The following IPCEF1 variants were observed in gnomAD, a reference collection of about 807,000 sequenced individuals.
IPCEF1 encodes the protein interaction protein for cytohesin exchange factors 1, also known as interactor protein for cytohesin exchange factors 1.
A neutral mutation model predicts 50.9 loss-of-function variants in IPCEF1; 31 were observed. The ratio of observed to expected loss-of-function variants is 0.61; its 90% CI spans 0.46 to 0.82. The LOEUF (loss-of-function observed/expected upper bound fraction) is 0.82. Ranked by LOEUF, IPCEF1 falls within the 40% of genes least tolerant of loss-of-function variation. IPCEF1 has a pLI of 0.00. For synonymous variants in IPCEF1, 181 were observed against 192.0 expected, an observed-to-expected ratio of 0.94 and a Z score of 0.47; for missense variants, 458 against 514.0, an observed-to-expected ratio of 0.89 and a Z score of 1.05.
chr6:154,285,885 A>G (rs1482834787), intron 2 of IPCEF1, among the ~76,000 whole-genome samples: 2 of 152,246 alleles, frequency 1.3e-5, no homozygotes, highest in Admixed American at 1.3e-4. Context: ...ACTTGGTAAC[A>G]TAAATCAAAA....
intron 1 of IPCEF1, among the ~76,000 whole-genome samples, chr6:154,304,091 G>A (rs2128676692): frequency 6.6e-6 from 1 of 151,832 alleles, no homozygotes; most frequent in East Asian, 1.9e-4. Context: ...GGTGTGGTGG[G>A]GCACACCGGT....
At chr6:154,254,585 G>GAGTCAAAT (rs1781416478) in intron 3 of IPCEF1, among the ~76,000 whole-genome samples, 1 of 152,214 alleles carries the variant, frequency 6.6e-6, no homozygotes, top group South Asian at 2.1e-4. Context: ...GGTGGGGACA[G>GAGTCAAAT]AGTCAAATCA....
chr6:154,348,856 T>C (rs1308416961), intron 1 of IPCEF1, among the ~76,000 whole-genome samples: 1 of 152,194 alleles, frequency 6.6e-6, no homozygotes, highest in Non-Finnish European at 1.5e-5. Context: ...GATGAGATTA[T>C]ATATATTCTC....
chr6:154,341,957 AG>A (rs1783927096), intron 1 of IPCEF1, among the ~76,000 whole-genome samples: 1 of 152,210 alleles, frequency 6.6e-6, no homozygotes, highest in Non-Finnish European at 1.5e-5. Flanking sequence ...TAAGTATCTC[AG>A]GACTCCCAAA....
chr6:154,342,542 C>A (rs1329772693), intron 1 of IPCEF1, among the ~76,000 whole-genome samples: 2 of 152,154 alleles, frequency 1.3e-5, no homozygotes, highest in African/African-American at 4.8e-5. Flanking sequence ...CCACCTCAGC[C>A]TCCTGAGTAG....
chr6:154,304,683 C>T (rs550345262), intron 1 of IPCEF1, among the ~76,000 whole-genome samples: 1 of 152,152 alleles, frequency 6.6e-6, no homozygotes, highest in African/African-American at 2.4e-5. Context: ...CAGTCAGTTA[C>T]CTATTGAAGG....
chr6:154,291,581 T>C (rs374465476), intron 1 of IPCEF1, among the ~76,000 whole-genome samples: 65 of 152,278 alleles, frequency 4.3e-4, no homozygotes, highest in African/African-American at 1.5e-3. Context: ...TTGAGTCACT[T>C]GTAGACATAA....
intron 1 of IPCEF1, among the ~76,000 whole-genome samples, chr6:154,299,133 C>A (rs1534448): frequency 0.28 from 38,783 of 139,624 alleles, 10,576 homozygotes; most frequent in Admixed American, 0.39. Context: ...GCCTTAAAAT[C>A]CTGTTGTCAG....
chr6:154,305,239 C>A (rs1043592827), intron 1 of IPCEF1, among the ~76,000 whole-genome samples: 3 of 152,102 alleles, frequency 2.0e-5, no homozygotes, highest in South Asian at 2.1e-4. Flanking sequence ...GGACAAAAAA[C>A]CAGTAGGAGG....
At chr6:154,278,672 C>T (rs1782127662) in intron 2 of IPCEF1, among the ~76,000 whole-genome samples, 1 of 152,036 alleles carries the variant, frequency 6.6e-6, no homozygotes, top group Non-Finnish European at 1.5e-5. Flanking sequence ...CAAAGATTCT[C>T]ATTATCACTT....
chr6:154,355,567 C>T (rs1311658084), intron 1 of IPCEF1, among the ~76,000 whole-genome samples: 3 of 151,640 alleles, frequency 2.0e-5, no homozygotes, highest in African/African-American at 7.3e-5. Context: ...CAGCTCACTG[C>T]AACCTCCGCT....
At position 154,199,757 on chromosome 6, in the gene IPCEF1, A is replaced by G. The variant is rs765654612; in HGVS notation, c.821T>C (p.Leu274Ser). The G allele has an allele frequency of 1.2e-6, 2 of 1,614,244 alleles. No individual in the cohort carries two copies. Among genetic ancestry groups the G allele is most frequent in the African/African-American group, 1.3e-5 (1 of 75,072 alleles). ...CAATGAAGAAGTATCATCACTAGATAAAGAGTTCAAAAATCCACTTTCTGA... is the reference window on the plus strand; with the variant it reads ...CAATGAAGAAGTATCATCACTAGATGAAGAGTTCAAAAATCCACTTTCTGA... ...VTSESGFLNS[L>S]SSDDTSSLSS... The change falls in exon 10 of 12, where the codon TTA (leucine) becomes TCA (serine). Residue 274 changes from leucine (L) to serine (S), a missense_variant. Coordinates refer to ENST00000367220, the MANE Select transcript of IPCEF1 (RefSeq NM_001130700.2).
At chr6:154,253,187 G>A (rs543360810) in intron 3 of IPCEF1, among the ~76,000 whole-genome samples, 19 of 151,658 alleles carry the variant, frequency 1.3e-4, no homozygotes, top group Non-Finnish European at 1.9e-4. Context: ...TCATTTCCTT[G>A]CTTTTTTTGT....
chr6:154,180,700 T>C (rs557507658), intron 10 of IPCEF1, among the ~76,000 whole-genome samples: 43 of 152,164 alleles, frequency 2.8e-4, no homozygotes, highest in Non-Finnish European at 5.3e-4. Context: ...TCTTTCCTTG[T>C]GCTTTCTAGA....
At chr6:154,211,601 C>T (rs1181706305) in intron 9 of IPCEF1, among the ~76,000 whole-genome samples, 1 of 151,770 alleles carries the variant, frequency 6.6e-6, no homozygotes, top group Non-Finnish European at 1.5e-5. Flanking sequence ...ATTTTTGAAA[C>T]CAGTGGGAAA....
At chr6:154,258,736 C>T (rs1475411812) in intron 3 of IPCEF1, among the ~76,000 whole-genome samples, 4 of 152,246 alleles carry the variant, frequency 2.6e-5, no homozygotes, top group African/African-American at 9.6e-5. Flanking sequence ...CTGGACTCCC[C>T]GTCTACAGTC....
intron 1 of IPCEF1, among the ~76,000 whole-genome samples, chr6:154,297,255 G>T (rs374608084): frequency 1.3e-5 from 2 of 152,000 alleles, no homozygotes; most frequent in African/African-American, 4.8e-5. Context: ...GCCTGGACTG[G>T]TCTTGCACTC....
chr6:154,333,198 TGGATTGAAG>T (rs1294328488), intron 1 of IPCEF1, among the ~76,000 whole-genome samples: 1 of 152,080 alleles, frequency 6.6e-6, no homozygotes, highest in African/African-American at 2.4e-5. Context: ...TCAACTTGAT[TGGATTGAAG>T]GATGCAAAAT....
intron 10 of IPCEF1, among the ~76,000 whole-genome samples, chr6:154,196,859 T>C (rs1304541556): frequency 6.6e-6 from 1 of 152,212 alleles, no homozygotes; most frequent in Non-Finnish European, 1.5e-5. Flanking sequence ...TTTCAATAGC[T>C]TAACACTACA....
Sources: gnomAD v4.1 joint callset for allele counts (sites outside exome capture counted in the v4.1 genomes callset) on GRCh38, gnomAD v4.1.1 for gene constraint, MANE v1.5 for transcripts, NCBI Gene and HGNC (gene_info 2026-07-23, HGNC 2026-07-21) for gene names.